The following INSYN2B variants were observed in gnomAD, a reference collection of about 807,000 sequenced individuals.
INSYN2B encodes the protein protein INSYN2B.
A neutral mutation model predicts 41.2 loss-of-function variants in INSYN2B; 16 were observed. That is an observed-to-expected ratio of 0.39 (90% CI 0.26 to 0.59). The LOEUF (loss-of-function observed/expected upper bound fraction) is 0.59. Ranked by LOEUF, INSYN2B falls within the 20% of genes least tolerant of loss-of-function variation. The probability of loss-of-function intolerance (pLI) is 0.57; values close to 1 mark genes in which losing one functional copy is unlikely to be tolerated. For synonymous variants in INSYN2B, 245 were observed against 244.4 expected (o/e 1.00, Z -0.02); for missense variants, 608 against 646.4 (o/e 0.94, Z 0.64).
At chr5:169,958,464 G>A (rs1776953866) in intron 1 of INSYN2B, among the ~76,000 whole-genome samples, 1 of 152,120 alleles carries the variant, frequency 6.6e-6, no homozygotes, top group Admixed American at 6.5e-5. Flanking sequence ...AAAAGCTGGT[G>A]TGCATATTTA....
intron 1 of INSYN2B, among the ~76,000 whole-genome samples, chr5:169,972,955 A>G (rs1363286923): frequency 6.6e-6 from 1 of 152,168 alleles, no homozygotes; most frequent in Non-Finnish European, 1.5e-5. Context: ...GTGTGCTGTG[A>G]CTAGCAGATC....
intron 1 of INSYN2B, among the ~76,000 whole-genome samples, chr5:169,929,203 C>G (rs1775623939): frequency 6.6e-6 from 1 of 152,202 alleles, no homozygotes; most frequent in Non-Finnish European, 1.5e-5. Context: ...AGTCATGACA[C>G]ATTTATAAGC....
At chr5:169,957,791 G>T (rs1776927352) in intron 1 of INSYN2B, among the ~76,000 whole-genome samples, 1 of 152,184 alleles carries the variant, frequency 6.6e-6, no homozygotes, top group Non-Finnish European at 1.5e-5. Context: ...AGCTGGTAGA[G>T]CTCCATGTAC....
intron 1 of INSYN2B, among the ~76,000 whole-genome samples, chr5:169,900,497 T>C (rs921401022): frequency 6.6e-6 from 1 of 152,198 alleles, no homozygotes; most frequent in Non-Finnish European, 1.5e-5. Context: ...AGGACCTTAT[T>C]GGCCAAACAG....
chr5:169,968,645 G>C (rs944453294), intron 1 of INSYN2B, among the ~76,000 whole-genome samples: 1 of 152,202 alleles, frequency 6.6e-6, no homozygotes, highest in East Asian at 1.9e-4. Flanking sequence ...CAACTGCAGA[G>C]AGACTGAGTC....
At chr5:169,933,993 A>G (rs1411267203) in intron 1 of INSYN2B, among the ~76,000 whole-genome samples, 1 of 152,154 alleles carries the variant, frequency 6.6e-6, no homozygotes, top group Non-Finnish European at 1.5e-5. Context: ...ACCGGCATCT[A>G]TTGCTAATGT....
intron 3 of INSYN2B, among the ~76,000 whole-genome samples, chr5:169,876,479 C>G (rs536356608): frequency 7.9e-5 from 12 of 152,280 alleles, no homozygotes; most frequent in African/African-American, 2.6e-4. Context: ...TTTGTGGTTC[C>G]CCACAGTCAA....
At chr5:169,931,559 CG>C (rs1245981730) in intron 1 of INSYN2B, among the ~76,000 whole-genome samples, 2 of 152,150 alleles carry the variant, frequency 1.3e-5, no homozygotes, top group African/African-American at 2.4e-5. Context: ...CAGACCAATT[CG>C]GGTTTTAATT....
intron 1 of INSYN2B, among the ~76,000 whole-genome samples, chr5:169,923,196 G>A (rs1223024901): frequency 1.3e-5 from 2 of 152,054 alleles, no homozygotes; most frequent in South Asian, 2.1e-4. Context: ...GCATGGGACT[G>A]GGTAGAAAAA....
chr5:169,949,438 C>G (rs953694407), intron 1 of INSYN2B, among the ~76,000 whole-genome samples: 11 of 152,026 alleles, frequency 7.2e-5, no homozygotes, highest in Non-Finnish European at 1.5e-4. Context: ...AGGAGATAGC[C>G]CATTAGCCCA....
intron 1 of INSYN2B, among the ~76,000 whole-genome samples, chr5:169,907,715 G>A (rs893856590): frequency 2.6e-5 from 4 of 152,178 alleles, no homozygotes; most frequent in Admixed American, 1.3e-4. Flanking sequence ...AATGAACCAG[G>A]CCTGACTTTC....
intron 1 of INSYN2B, among the ~76,000 whole-genome samples, chr5:169,903,920 C>T (rs1466732292): frequency 8.6e-5 from 13 of 151,672 alleles, no homozygotes; most frequent in Admixed American, 2.0e-4. Context: ...GCCAACATGG[C>T]GAAGCTCTGC....
Position 169,940,977 on chromosome 5 carries a change from C to T in INSYN2B, c.-919+39300G>A, listed in dbSNP as rs139858826. ...AGTGCCATGGCTGAGAGACCCTGTT[C>T]CATACTAATTCTTAGATAAACAGAG... On this transcript the variant is annotated intron_variant, in intron 1 of 3. Coordinates refer to ENST00000377365, the MANE Select transcript of INSYN2B (RefSeq NM_001129891.3). Among the ~76,000 whole-genome samples the T allele has an allele frequency of 3.5e-3, 529 of 152,254 alleles. 5 individuals are homozygous for T. The South Asian group carries it at 0.043, about 12-fold the overall frequency.
At chr5:169,887,596 T>C (rs2113526058) in intron 1 of INSYN2B, among the ~76,000 whole-genome samples, 1 of 152,384 alleles carries the variant, frequency 6.6e-6, no homozygotes, top group South Asian at 2.1e-4. Context: ...TGAATTTGTC[T>C]AGTTATACAA....
At chr5:169,906,433 CATAGG>C (rs1774284197) in intron 1 of INSYN2B, among the ~76,000 whole-genome samples, 5 of 152,188 alleles carry the variant, frequency 3.3e-5, no homozygotes, top group Non-Finnish European at 7.3e-5. Flanking sequence ...CCACTTCTAA[CATAGG>C]AGCAAACTGA....
rs1022031369 is a variant in INSYN2B at position 169,863,810 on chromosome 5, T to C, written c.*463A>G. 2.0e-5 allele frequency among the ~76,000 whole-genome samples: 3 copies of C among 152,190 alleles called. No individual in the cohort carries two copies. The highest frequency in any genetic ancestry group is 4.4e-5 in the Non-Finnish European group (3 of 68,042). On this transcript the variant is annotated 3_prime_UTR_variant, in exon 4 of 4. Transcript: ENST00000377365. ...GCTGATATCTTAGAAAACTGCCAGTTTATCTCATTTTTTTCTATGGTACCT... is the reference window on the plus strand; with the variant it reads ...GCTGATATCTTAGAAAACTGCCAGTCTATCTCATTTTTTTCTATGGTACCT...
intron 1 of INSYN2B, among the ~76,000 whole-genome samples, chr5:169,963,919 A>G (rs530428039): frequency 1.3e-5 from 2 of 152,172 alleles, no homozygotes; most frequent in East Asian, 3.9e-4. Context: ...TGCATTTCAA[A>G]TAAGTTTTCG....
intron 1 of INSYN2B, among the ~76,000 whole-genome samples, chr5:169,935,506 TG>T (rs1307593826): frequency 2.6e-5 from 4 of 152,328 alleles, no homozygotes; most frequent in Middle Eastern, 3.4e-3. Context: ...CTGCCACCTC[TG>T]GACAGCAGCC....
At chr5:169,909,070 T>G (rs1361279558) in intron 1 of INSYN2B, among the ~76,000 whole-genome samples, 1 of 152,192 alleles carries the variant, frequency 6.6e-6, no homozygotes, top group African/African-American at 2.4e-5. Flanking sequence ...GCTGCCTGCT[T>G]TCAGTAGCTG....
Sources: allele counts gnomAD v4.1 joint callset (sites outside exome capture counted in the v4.1 genomes callset), GRCh38; gene constraint gnomAD v4.1.1; transcripts MANE v1.5; gene names NCBI Gene and HGNC (gene_info 2026-07-23, HGNC 2026-07-21).